Variants in SCN2A observed in about 807,000 individuals in gnomAD.
The protein encoded by SCN2A is sodium channel protein type 2 subunit alpha.
In SCN2A, 20 loss-of-function variants were observed where a neutral mutation model predicts 188.7. The observed-to-expected ratio is 0.11, with a 90% confidence interval of 0.07 to 0.15. The LOEUF (loss-of-function observed/expected upper bound fraction) is 0.15, where lower values mean the gene tolerates loss of function less well. Ranked by LOEUF, SCN2A falls within the 10% of genes least tolerant of loss-of-function variation. The pLI is 1.00. For synonymous variants in SCN2A, 804 were observed against 833.1 expected (o/e 0.97, Z 0.60); for missense variants, 1,278 against 2,445.0 (o/e 0.52, Z 10.07).
intron 1 of SCN2A, among the ~76,000 whole-genome samples, chr2:165,276,782 T>A (rs2106114015): frequency 6.6e-6 from 1 of 152,308 alleles, no homozygotes; most frequent in South Asian, 2.1e-4. Context: ...TAAAAAGGAA[T>A]CAGTCTCAAT....
At chr2:165,371,224 T>G (rs1701008671) in intron 20 of SCN2A, 1 of 152,192 alleles carries the variant, frequency 6.6e-6, no homozygotes, top group Admixed American at 6.5e-5. Context: ...AGAAATCTAG[T>G]TGTCCTGCAG....
Position 165,331,369 on chromosome 2 carries a change from A to G in SCN2A, c.2189A>G (p.Tyr730Cys). ...ESRQKCPPCW[Y>C]KFANMCLIWD... Reference sequence around the variant, plus strand: ...AGACAGAAATGCCCACCATGCTGGTATAAATTTGCTAATATGTGTTTGATT... The same window carrying G: ...AGACAGAAATGCCCACCATGCTGGTGTAAATTTGCTAATATGTGTTTGATT... The change falls in exon 14 of 27, where the codon TAT (tyrosine) becomes TGT (cysteine). Residue 730 changes from tyrosine (Y) to cysteine (C), a missense_variant. Coordinates refer to ENST00000375437, the MANE Select transcript of SCN2A (RefSeq NM_001040142.2). 6.2e-7 allele frequency: 1 copy of G among 1,613,806 alleles called. No individual in the cohort carries two copies. The highest frequency in any genetic ancestry group is 8.5e-7 in the Non-Finnish European group (1 of 1,179,740).
At chr2:165,278,234 T>C (rs890719089) in intron 1 of SCN2A, among the ~76,000 whole-genome samples, 8 of 152,274 alleles carry the variant, frequency 5.3e-5, no homozygotes, top group African/African-American at 1.9e-4. Context: ...CATAAGACAC[T>C]GGTAGAGTAT....
At chr2:165,255,947 A>T (rs1214844952) in intron 1 of SCN2A, among the ~76,000 whole-genome samples, 4 of 69,426 alleles carry the variant, frequency 5.8e-5, no homozygotes, top group Admixed American at 2.0e-4. Context: ...GTTTTTCTTT[A>T]TCCTTTGACC....
chr2:165,324,479 T>A (rs1698249224), intron 12 of SCN2A, among the ~76,000 whole-genome samples: 1 of 152,216 alleles, frequency 6.6e-6, no homozygotes, highest in Non-Finnish European at 1.5e-5. Flanking sequence ...ATTTTTTGCA[T>A]GGCCTCTCCC....
In SCN2A at chr2:165,326,901, A is replaced by C. The variant is rs778275125; in HGVS notation, c.2066A>C (p.His689Pro). The change falls in exon 13 of 27, where the codon CAT becomes CCT. Residue 689 changes from histidine to proline, a missense_variant. Transcript: ENST00000375437. Reference sequence around the variant, plus strand: ...AGAAAGAGACGGTCCAGTTCTTATCATGTTTCCATGGATTTATTGGAAGAT... The same window carrying C: ...AGAAAGAGACGGTCCAGTTCTTATCCTGTTTCCATGGATTTATTGGAAGAT... ...EIRKRRSSSY[H>P]VSMDLLEDPT... 1.2e-6 allele frequency: 2 copies of C among 1,613,980 alleles called. No homozygotes were observed. The highest frequency in any genetic ancestry group is 8.5e-7 in the Non-Finnish European group (1 of 1,179,888).
chr2:165,311,189 AC>A (rs1328009383), intron 7 of SCN2A, among the ~76,000 whole-genome samples: 2 of 152,040 alleles, frequency 1.3e-5, no homozygotes, highest in African/African-American at 4.8e-5. Context: ...TAAGGTATGA[AC>A]ATCAGAATAA....
At chr2:165,312,232 G>A (rs1372286625) in intron 8 of SCN2A, 144 bp downstream of exon 8, 29 of 697,090 alleles carry the variant, frequency 4.2e-5, no homozygotes, top group Non-Finnish European at 7.3e-5. Context: ...AGAATAGCCA[G>A]GATAAGTGTA....
At chr2:165,273,390 G>A (rs1006435998) in intron 1 of SCN2A, 2 of 151,988 alleles carry the variant, frequency 1.3e-5, no homozygotes, top group Non-Finnish European at 2.9e-5. Context: ...TGATCTCTTG[G>A]GAGGCCCCCT....
chr2:165,280,981 G>A (rs1286838614), intron 1 of SCN2A, among the ~76,000 whole-genome samples: 1 of 152,220 alleles, frequency 6.6e-6, no homozygotes, highest in Non-Finnish European at 1.5e-5. Flanking sequence ...CAGCCAGTTG[G>A]GAGGCCAAGG....
At chr2:165,345,187 C>A (rs895073515) in intron 16 of SCN2A, among the ~76,000 whole-genome samples, 1 of 152,110 alleles carries the variant, frequency 6.6e-6, no homozygotes. Flanking sequence ...TGTACTAGAG[C>A]ATGGAAGTGT....
Position 165,388,942 on chromosome 2 carries a change from C to A in SCN2A, c.5136C>A (p.Thr1712=), listed in dbSNP as rs767260353. Residue 1712 remains threonine (T), a synonymous_variant, in exon 27 of 27, where the codon ACC becomes ACA. Coordinates refer to ENST00000375437, the MANE Select transcript of SCN2A (RefSeq NM_001040142.2). ...TGATCTGCCTGTTCCAAATTACAAC[C>A]TCTGCTGGCTGGGATGGATTGCTAG... The part of the protein sequence containing the change: ...NSMICLFQIT[T]SAGWDGLLAP... 5 of 1,613,982 alleles carry A rather than the reference C, an allele frequency of 3.1e-6. No individual in the cohort carries two copies. The African/African-American group carries it at 5.3e-5, about 17-fold the overall frequency.
intron 17 of SCN2A, among the ~76,000 whole-genome samples, chr2:165,359,656 A>C (rs1232448192): frequency 6.6e-6 from 1 of 152,224 alleles, no homozygotes; most frequent in East Asian, 1.9e-4. Flanking sequence ...TTGCGTAAGC[A>C]ATGGTGGAAT....
chr2:165,261,497 T>A (rs193158850), intron 1 of SCN2A, among the ~76,000 whole-genome samples: 20 of 152,340 alleles, frequency 1.3e-4, no homozygotes, highest in African/African-American at 4.8e-5. Context: ...TACTAGGTGA[T>A]TGGTGTGCTG....
At chr2:165,348,495 T>C (rs993697463) in intron 16 of SCN2A, among the ~76,000 whole-genome samples, 4 of 152,210 alleles carry the variant, frequency 2.6e-5, no homozygotes, top group Admixed American at 1.3e-4. Flanking sequence ...ATTGCCAAAT[T>C]TCAGCCTCTT....
intron 22 of SCN2A, 40 bp from the exon 23 acceptor site, chr2:165,377,557 A>C (rs1467781826): frequency 6.6e-7 from 1 of 1,524,854 alleles, no homozygotes; most frequent in African/African-American, 1.4e-5. Flanking sequence ...CTAAAATTAT[A>C]ATTTTGGGAA....
At chr2:165,337,993 G>C (rs982827572) in intron 14 of SCN2A, among the ~76,000 whole-genome samples, 3 of 152,114 alleles carry the variant, frequency 2.0e-5, no homozygotes, top group Non-Finnish European at 2.9e-5. Flanking sequence ...CAGGGGTTTG[G>C]CATACAGATT....
At chr2:165,272,764 T>TCACACACACACA (rs71912251) in intron 1 of SCN2A, 20 of 148,434 alleles carry the variant, frequency 1.3e-4, no homozygotes, top group African/African-American at 4.5e-4. Context: ...AAGAGGGAAA[T>TCACACACACACA]CACACACACA....
intron 3 of SCN2A, among the ~76,000 whole-genome samples, chr2:165,304,396 A>G (rs1697004517): frequency 6.6e-6 from 1 of 152,222 alleles, no homozygotes. Context: ...CACCTGGCCA[A>G]CAATATATTT....
Sources: allele counts gnomAD v4.1 joint callset (sites outside exome capture counted in the v4.1 genomes callset), GRCh38; gene constraint gnomAD v4.1.1; transcripts MANE v1.5; gene names NCBI Gene and HGNC (gene_info 2026-07-23, HGNC 2026-07-21).